ROR2: variants seen among roughly 807,000 people sequenced by gnomAD.
The protein encoded by ROR2 is tyrosine-protein kinase transmembrane receptor ROR2.
A neutral mutation model predicts 74.9 loss-of-function variants in ROR2; 33 were observed. The observed-to-expected ratio is 0.44, with a 90% CI of 0.33 to 0.59. The LOEUF (loss-of-function observed/expected upper bound fraction) is 0.59. Among genes scored for constraint, ROR2 ranks in the 20% least tolerant of loss-of-function variants. The pLI is 0.02. For synonymous variants in ROR2, 586 were observed against 558.7 expected, an observed-to-expected ratio of 1.05 and a Z score of -0.69; for missense variants, 1,216 against 1,313.8, an observed-to-expected ratio of 0.93 and a Z score of 1.15.
intron 1 of ROR2, among the ~76,000 whole-genome samples, chr9:91,866,417 C>CTTT (rs59024037): frequency 6.8e-4 from 71 of 103,884 alleles, no homozygotes; most frequent in African/African-American, 1.2e-3. Context: ...CACGCCCAGT[C>CTTT]TTTTTTTTTT....
intron 4 of ROR2, among the ~76,000 whole-genome samples, chr9:91,745,409 G>A (rs1825377880): frequency 1.4e-5 from 2 of 144,668 alleles, no homozygotes; most frequent in African/African-American, 5.1e-5. Context: ...ACAGGCATGA[G>A]CCACCATGCC....
chr9:91,921,911 C>T (rs1263256342), intron 1 of ROR2, among the ~76,000 whole-genome samples: 1 of 146,710 alleles, frequency 6.8e-6, no homozygotes, highest in Non-Finnish European at 1.5e-5. Flanking sequence ...AAAAAGACAA[C>T]CCAAGGTGAG....
At chr9:91,863,695 A>G (rs914238766) in intron 1 of ROR2, among the ~76,000 whole-genome samples, 3 of 152,186 alleles carry the variant, frequency 2.0e-5, no homozygotes, top group Non-Finnish European at 4.4e-5. Context: ...TGAAATGTCC[A>G]GAATAGGCAA....
At chr9:91,757,653 G>A (rs775589848) in intron 2 of ROR2, 94 bp from the exon 3 acceptor site, 127 of 1,459,848 alleles carry the variant, frequency 8.7e-5, no homozygotes, top group Non-Finnish European at 1.1e-4. Flanking sequence ...TCCAAGGGAA[G>A]GTTTCGATTT....
intron 1 of ROR2, among the ~76,000 whole-genome samples, chr9:91,918,729 A>C (rs183806735): frequency 1.7e-3 from 256 of 152,302 alleles, no homozygotes; most frequent in African/African-American, 5.7e-3. Context: ...TGTGGATTCT[A>C]TCTCTTAATT....
rs1206532120 is a variant in ROR2, at chr9:91,733,905, G to C, written c.623-469C>G. Among the ~76,000 whole-genome samples, 1 of 152,168 alleles carries C rather than the reference G, an allele frequency of 6.6e-6. No individual in the cohort carries two copies. Among genetic ancestry groups the C allele is most frequent in the African/African-American group, 2.4e-5 (1 of 41,446 alleles). On this transcript the variant is annotated intron_variant, in intron 5 of 8. Coordinates refer to ENST00000375708, the MANE Select transcript of ROR2 (RefSeq NM_004560.4). The surrounding 1 kb of genome is among the most constrained non-coding windows in gnomAD (Gnocchi z 5.7). ...TGGGGAGAAGGCTGTCCCGGAAGAG[G>C]GAGTCAGCTCAGCTCTGTGAACTGC...
chr9:91,798,251 T>A (rs1351348482), intron 1 of ROR2, among the ~76,000 whole-genome samples: 1 of 86,800 alleles, frequency 1.2e-5, no homozygotes. Flanking sequence ...ACACCCTGCA[T>A]TCTGTGGGCG....
chr9:91,841,010 T>A (rs907660384), intron 1 of ROR2, among the ~76,000 whole-genome samples: 3 of 152,240 alleles, frequency 2.0e-5, no homozygotes, highest in African/African-American at 7.2e-5. Flanking sequence ...AACAGCTCCT[T>A]ATATGTAATA....
intron 1 of ROR2, among the ~76,000 whole-genome samples, chr9:91,885,371 A>C (rs1009531714): frequency 1.3e-5 from 2 of 152,148 alleles, no homozygotes; most frequent in African/African-American, 4.8e-5. Flanking sequence ...CAAAGGCCCT[A>C]CTGTGGGATC....
chr9:91,824,853 G>A (rs1206331951), intron 1 of ROR2, among the ~76,000 whole-genome samples: 1 of 152,170 alleles, frequency 6.6e-6, no homozygotes, highest in Non-Finnish European at 1.5e-5. Context: ...AGGGGGTGAC[G>A]GGCAAGGCCT....
At position 91,825,617 on chromosome 9, in the gene ROR2, A is replaced by G. The variant is rs1828262215; in HGVS notation, c.98-49799T>C. Among the ~76,000 whole-genome samples the G allele has an allele frequency of 2.0e-5, 3 of 152,266 alleles. No individual in the cohort carries two copies. The South Asian group carries it at 6.2e-4, about 32-fold the overall frequency. On this transcript the variant is annotated intron_variant, in intron 1 of 8. Transcript: ENST00000375708. The stretch of plus-strand genomic sequence containing the variant: ...AGTATTCGGGATGCCGGGAGAGAAC[A>G]GGGGGCACACATCCAATGTTGTATT...
chr9:91,763,409 T>A (rs138654074), intron 2 of ROR2, among the ~76,000 whole-genome samples: 131 of 152,330 alleles, frequency 8.6e-4, no homozygotes, highest in Non-Finnish European at 1.6e-3. Flanking sequence ...GTCTCAAAAG[T>A]GCTTGAAACA....
chr9:91,759,762 T>C (rs1825857592), intron 2 of ROR2, among the ~76,000 whole-genome samples: 1 of 152,136 alleles, frequency 6.6e-6, no homozygotes, highest in Non-Finnish European at 1.5e-5. Context: ...GCTGAGGCAG[T>C]GGCATATAAA....
chr9:91,827,055 G>A (rs1051986092), intron 1 of ROR2, among the ~76,000 whole-genome samples: 6 of 151,988 alleles, frequency 3.9e-5, no homozygotes, highest in Admixed American at 1.3e-4. Flanking sequence ...AACTATATAC[G>A]CACTCTATAG....
chr9:91,745,297 G>T (rs1490091736), intron 4 of ROR2, among the ~76,000 whole-genome samples: 2 of 151,424 alleles, frequency 1.3e-5, no homozygotes, highest in Non-Finnish European at 2.9e-5. Context: ...GACTAATTTT[G>T]TATTTTTAGT....
intron 1 of ROR2, among the ~76,000 whole-genome samples, chr9:91,914,607 G>C (rs978825182): frequency 6.6e-6 from 1 of 152,184 alleles, no homozygotes; most frequent in Non-Finnish European, 1.5e-5. Flanking sequence ...TGACTAAACA[G>C]TACGGCGGGG....
intron 5 of ROR2, among the ~76,000 whole-genome samples, chr9:91,736,098 A>AG (rs2118720280): frequency 6.6e-6 from 1 of 152,290 alleles, no homozygotes; most frequent in South Asian, 2.1e-4. Context: ...ACCTTTGAGA[A>AG]GTCCTACTTT....
chr9:91,938,557 G>T (rs1831763334), intron 1 of ROR2, among the ~76,000 whole-genome samples: 1 of 152,110 alleles, frequency 6.6e-6, no homozygotes, highest in Admixed American at 6.5e-5. Flanking sequence ...AGGAGGTGGA[G>T]GCTACAGTGA....
intron 1 of ROR2, among the ~76,000 whole-genome samples, chr9:91,810,998 T>A (rs1827731485): frequency 6.6e-6 from 1 of 152,242 alleles, no homozygotes; most frequent in Non-Finnish European, 1.5e-5. Flanking sequence ...GCAGAAACTA[T>A]AAGATGCAGT....
Sources: allele counts gnomAD v4.1 joint callset (sites outside exome capture counted in the v4.1 genomes callset), GRCh38; gene constraint gnomAD v4.1.1; non-coding constraint Gnocchi (gnomAD v3.1); transcripts MANE v1.5; gene names NCBI Gene and HGNC (gene_info 2026-07-23, HGNC 2026-07-21).